TBCK: variants seen among roughly 807,000 people sequenced by gnomAD.
The protein encoded by TBCK is TBC1 domain containing kinase.
TBCK carries 99 observed loss-of-function variants against 113.4 expected under a neutral mutation model. The ratio of observed to expected loss-of-function variants is 0.87; its 90% CI spans 0.74 to 1.03. TBCK has a LOEUF of 1.03. Ranked by LOEUF, TBCK falls within the 50% of genes least tolerant of loss-of-function variation. The probability of loss-of-function intolerance (pLI) is 0.00; values close to 1 mark genes in which losing one functional copy is unlikely to be tolerated. For missense variants in TBCK, 1,045 were observed against 1,061.3 expected (o/e 0.98, Z 0.21); for synonymous variants, 369 against 370.8 (o/e 1.00, Z 0.05).
At position 106,250,480 on chromosome 4, in the gene TBCK, TAAATA is replaced by T. The variant is rs139991421; in HGVS notation, c.598-7_598-3del. ...CAAGCTCTGAAATAATTTTCTTCCC[TAAATA>T]AAATGAGAAAAGAAATTTCTATTAA... On this transcript the variant is annotated splice_polypyrimidine_tract_variant and splice_region_variant and intron_variant, in intron 6 of 25. Coordinates refer to ENST00000394708, the MANE Select transcript of TBCK (RefSeq NM_001163435.3). The T allele has an allele frequency of 0.16, 245,113 of 1,495,036 alleles. 22,177 individuals are homozygous for T. Among genetic ancestry groups the T allele is most frequent in the South Asian group, 0.23 (18,917 of 81,084 alleles). 92.6% of individuals were successfully genotyped at this position (1,495,036 alleles called of 1,614,324 possible). A position where few individuals can be genotyped will look rare whatever the true frequency, so the allele number is the denominator to read the frequency against.
At chr4:106,241,119 A>G (rs1326132952) in intron 12 of TBCK, among the ~76,000 whole-genome samples, 1 of 151,966 alleles carries the variant, frequency 6.6e-6, no homozygotes, top group African/African-American at 2.4e-5. Context: ...TTATAATAAA[A>G]TGTTGGAAAA....
intron 3 of TBCK, among the ~76,000 whole-genome samples, chr4:106,284,548 C>T (rs913404040): frequency 6.6e-6 from 1 of 152,076 alleles, no homozygotes; most frequent in East Asian, 1.9e-4. Flanking sequence ...ACCCTAAAAA[C>T]GTGACAAACT....
At chr4:106,085,800 C>T (rs1313037464) in intron 25 of TBCK, among the ~76,000 whole-genome samples, 1 of 152,196 alleles carries the variant, frequency 6.6e-6, no homozygotes, top group Non-Finnish European at 1.5e-5. Context: ...AAGAAACTCA[C>T]TCAAAACCAC....
rs192494394 is a variant in TBCK at position 106,110,540 on chromosome 4, G to A, written c.2411+5663C>T. 4.6e-5 allele frequency among the ~76,000 whole-genome samples: 7 copies of A among 152,272 alleles called. No individual in the cohort carries two copies. The South Asian group carries it at 6.2e-4, about 14-fold the overall frequency. On this transcript the variant is annotated intron_variant, in intron 24 of 25. Transcript: ENST00000394708. Reference sequence around the variant, plus strand: ...TTAAAGGTAGCAGAGCCTTGGTTTCGCAGGCTCAATTAAGAGACCTAATGC... The same window carrying A: ...TTAAAGGTAGCAGAGCCTTGGTTTCACAGGCTCAATTAAGAGACCTAATGC...
chr4:106,229,319 T>C (rs1758594199), intron 19 of TBCK, among the ~76,000 whole-genome samples: 1 of 151,958 alleles, frequency 6.6e-6, no homozygotes, highest in East Asian at 1.9e-4. Flanking sequence ...CATCTTTGCC[T>C]GGACCAACGT....
At chr4:106,163,998 T>A (rs1397712276) in intron 23 of TBCK, among the ~76,000 whole-genome samples, 2 of 152,120 alleles carry the variant, frequency 1.3e-5, no homozygotes, top group Admixed American at 1.3e-4. Context: ...TATTATTTGC[T>A]TATTTTTTGG....
chr4:106,080,555 A>G (rs1289561599), intron 25 of TBCK, among the ~76,000 whole-genome samples: 8 of 152,244 alleles, frequency 5.3e-5, no homozygotes, highest in Non-Finnish European at 1.2e-4. Flanking sequence ...GTAAGACCGA[A>G]AGCAATCAAA....
intron 3 of TBCK, among the ~76,000 whole-genome samples, chr4:106,291,732 C>T (rs1765733054): frequency 6.6e-6 from 1 of 152,184 alleles, no homozygotes; most frequent in South Asian, 2.1e-4. Context: ...AAGATTTGAT[C>T]CTGCCTGCTG....
At chr4:106,216,406 C>CA (rs1481122619) in intron 19 of TBCK, among the ~76,000 whole-genome samples, 1 of 151,900 alleles carries the variant, frequency 6.6e-6, no homozygotes, top group African/African-American at 2.4e-5. Context: ...AAAAACCCTT[C>CA]AAAAAATTAC....
intron 23 of TBCK, among the ~76,000 whole-genome samples, chr4:106,133,793 A>G (rs761614519): frequency 6.6e-6 from 1 of 152,188 alleles, no homozygotes; most frequent in Non-Finnish European, 1.5e-5. Context: ...GGCCTTGGCC[A>G]CTTGAAGTCA....
chr4:106,073,786 GGCT>G (rs1275768133), intron 25 of TBCK, among the ~76,000 whole-genome samples: 1 of 152,118 alleles, frequency 6.6e-6, no homozygotes, highest in Non-Finnish European at 1.5e-5. Flanking sequence ...TGAGCTTCCT[GGCT>G]GCTTTGTTTA....
chr4:106,232,527 A>G (rs1758978404), intron 17 of TBCK, among the ~76,000 whole-genome samples: 1 of 151,944 alleles, frequency 6.6e-6, no homozygotes, highest in Non-Finnish European at 1.5e-5. Flanking sequence ...AAAAAAGACA[A>G]TAAATAAAAT....
chr4:106,099,358 T>C (rs72962598), intron 24 of TBCK, among the ~76,000 whole-genome samples: 4,178 of 152,164 alleles, frequency 0.027, 187 homozygotes, highest in African/African-American at 0.096. Flanking sequence ...CACACACCAA[T>C]ATTTCACCAA....
At chr4:106,078,965 G>T (rs1234561665) in intron 25 of TBCK, among the ~76,000 whole-genome samples, 2 of 152,262 alleles carry the variant, frequency 1.3e-5, no homozygotes, top group East Asian at 3.9e-4. Context: ...TTCCTGGGAT[G>T]CAAGGTTGGC....
chr4:106,306,236 ATTTTTTTT>A (rs60417567), intron 2 of TBCK, among the ~76,000 whole-genome samples: 5 of 97,326 alleles, frequency 5.1e-5, no homozygotes, highest in Admixed American at 4.6e-4. Context: ...TGCCTGGCTA[ATTTTTTTT>A]TTTTTTTTTT....
intron 20 of TBCK, among the ~76,000 whole-genome samples, chr4:106,211,496 C>T (rs953629291): frequency 1.3e-5 from 2 of 151,992 alleles, no homozygotes; most frequent in Non-Finnish European, 2.9e-5. Context: ...AGGCAGAAAA[C>T]ATTGTTTTGT....
In TBCK at chr4:106,230,408, A is replaced by T. The variant is rs972857133; in HGVS notation, c.1729T>A (p.Tyr577Asn). The T allele has an allele frequency of 5.6e-6, 9 of 1,603,638 alleles. No homozygotes were observed. The Admixed American group carries it at 1.0e-4, about 18-fold the overall frequency. ...TCTTTTAAGAAGAAGTTATACAGGT[A>T]TTTGGGAATAAAAGCAGACATACAT... ...YACMSAFIPKYLYNFFLKDNS... is the reference protein window; with the variant it reads ...YACMSAFIPKNLYNFFLKDNS... Residue 577 changes from tyrosine to asparagine, a missense_variant, in exon 19 of 26, where the codon TAC becomes AAC. Tyr to Asn is a moderately radical substitution (Grantham distance 143). Coordinates refer to ENST00000394708, the MANE Select transcript of TBCK (RefSeq NM_001163435.3).
In TBCK at chr4:106,233,046, G is replaced by A; in HGVS notation, c.1531C>T (p.Arg511Cys). ...TDRQIEVDIP[R>C]CHQYDELLSS... ...AACAGTTCATCGTACTGATGACAGCGAGGAATATCCACTTCAATCTGTTAA... is the reference window on the plus strand; with the variant it reads ...AACAGTTCATCGTACTGATGACAGCAAGGAATATCCACTTCAATCTGTTAA... The change falls in exon 17 of 26, where the codon CGC becomes TGC. Residue 511 changes from arginine (R) to cysteine (C), a missense_variant. Physicochemically the swap from Arg to Cys is radical, Grantham distance 180. Transcript: ENST00000394708. 1.2e-6 allele frequency: 2 copies of A among 1,611,228 alleles called. No homozygotes were observed.
Position 106,266,015 on chromosome 4 carries a change from G to C in TBCK, c.267-3803C>G, listed in dbSNP as rs532696376. Among the ~76,000 whole-genome samples, 431 of 151,792 alleles carry C rather than the reference G, an allele frequency of 2.8e-3. 3 individuals are homozygous for C. Among genetic ancestry groups the C allele is most frequent in the African/African-American group, 1.0e-2 (413 of 41,480 alleles). ...TATCACTGAGTCTTAAACAAATAGG[G>C]AATGTGTGAAACAAGCATAATTTGG... is the stretch of plus-strand genomic sequence containing the variant. On this transcript the variant is annotated intron_variant, in intron 3 of 25. Coordinates refer to ENST00000394708, the MANE Select transcript of TBCK (RefSeq NM_001163435.3).
Sources: allele counts gnomAD v4.1 joint callset (sites outside exome capture counted in the v4.1 genomes callset), GRCh38; gene constraint gnomAD v4.1.1; transcripts MANE v1.5; gene names NCBI Gene and HGNC (gene_info 2026-07-23, HGNC 2026-07-21).